Variants in CPSF7 observed in about 807,000 individuals in gnomAD.
The protein encoded by CPSF7 is cleavage and polyadenylation specific factor 7.
CPSF7 carries 1 observed loss-of-function variant against 44.3 expected under a neutral mutation model. The ratio of observed to expected loss-of-function variants is 0.02; its 90% CI spans 0.01 to 0.11. The LOEUF is 0.11. Among genes scored for constraint, CPSF7 ranks in the 10% least tolerant of loss-of-function variants. The pLI, the probability that CPSF7 is intolerant of heterozygous loss-of-function variation, is 1.00. For missense variants in CPSF7, 443 were observed against 607.2 expected, an observed-to-expected ratio of 0.73 and a Z score of 2.84; for synonymous variants, 202 against 222.0, an observed-to-expected ratio of 0.91 and a Z score of 0.80.
Position 61,429,260 on chromosome 11 carries a change from C to A in CPSF7, c.-25G>T, listed in dbSNP as rs1319164449. The A allele has an allele frequency of 6.2e-7, 1 of 1,613,382 alleles. No individual in the cohort carries two copies. The highest frequency in any genetic ancestry group is 8.5e-7 in the Non-Finnish European group (1 of 1,179,426). ...TGGCTCCGGAAGGAAGATCGCGAGT[C>A]CGGAGGATGGACAAAGTAAGGAAGA... On this transcript the variant is annotated 5_prime_UTR_variant, in exon 2 of 10. Transcript: ENST00000439958.
At chr11:61,407,108 C>T (rs192885881) in intron 9 of CPSF7, among the ~76,000 whole-genome samples, 2 of 152,252 alleles carry the variant, frequency 1.3e-5, no homozygotes, top group African/African-American at 4.8e-5. Context: ...AAAGTGACAG[C>T]TAAAGACTCA....
chr11:61,422,382 C>T (rs1860963890), intron 2 of CPSF7, among the ~76,000 whole-genome samples: 1 of 151,564 alleles, frequency 6.6e-6, no homozygotes, highest in Admixed American at 6.6e-5. Context: ...GGTGCAATTA[C>T]AACTCACTGC....
At chr11:61,421,354 G>A (rs1194016030) in intron 3 of CPSF7, 36 bp downstream of exon 3, 1 of 1,564,334 alleles carries the variant, frequency 6.4e-7, no homozygotes, top group African/African-American at 1.4e-5. Flanking sequence ...TCTCCCTCCA[G>A]CCCACCCCTA....
chr11:61,408,905 G>A (rs543246758), intron 9 of CPSF7, among the ~76,000 whole-genome samples: 9 of 152,352 alleles, frequency 5.9e-5, no homozygotes, highest in Admixed American at 1.3e-4. Flanking sequence ...GCCAGTCGCA[G>A]TGGCTTCATG....
chr11:61,408,604 C>T (rs1382935440), intron 9 of CPSF7, among the ~76,000 whole-genome samples: 3 of 152,188 alleles, frequency 2.0e-5, no homozygotes, highest in African/African-American at 7.2e-5. Flanking sequence ...AACACCTGCT[C>T]CTATATGCTT....
At chr11:61,415,559 A>G in intron 7 of CPSF7, 107 bp downstream of exon 7, 1 of 745,714 alleles carries the variant, frequency 1.3e-6, no homozygotes, top group Non-Finnish European at 2.4e-6. Flanking sequence ...CTTGATATCT[A>G]CAGTACTCCA....
rs763248041 is a variant in CPSF7, at chr11:61,411,799, T to C, written c.1196A>G (p.Tyr399Cys). 6.2e-7 allele frequency: 1 copy of C among 1,613,592 alleles called. No individual in the cohort carries two copies. The highest frequency in any genetic ancestry group is 8.5e-7 in the Non-Finnish European group (1 of 1,179,946). The change falls in exon 8 of 10, where the codon TAC becomes TGC. Residue 399 changes from tyrosine to cysteine, a missense_variant. Tyr to Cys is a radical substitution (Grantham distance 194). Coordinates refer to ENST00000439958, the MANE Select transcript of CPSF7 (RefSeq NM_001142565.3). ...DCLHGIEAKS[Y>C]SVGASGSSSR... Reference sequence around the variant, plus strand: ...AGAGCTCCCACTGGCACCCACACTGTAGGACTTGGCTTCGATGCCATGAAG... The same window carrying C: ...AGAGCTCCCACTGGCACCCACACTGCAGGACTTGGCTTCGATGCCATGAAG...
chr11:61,412,050 C>T, intron 7 of CPSF7, 113 bp from the exon 8 acceptor site: 1 of 869,564 alleles, frequency 1.2e-6, no homozygotes, highest in Non-Finnish European at 1.8e-6. Context: ...TCCCAAACAA[C>T]CGCGGTAAAA....
At chr11:61,421,241 T>C in intron 3 of CPSF7, 149 bp downstream of exon 3, 1 of 1,017,092 alleles carries the variant, frequency 9.8e-7, no homozygotes, top group Non-Finnish European at 1.5e-6. Context: ...TAGTTCTCTT[T>C]CAGAGATCAA....
At chr11:61,421,629 A>G (rs1860888056) in intron 2 of CPSF7, 21 bp from the exon 3 acceptor site, 2 of 1,567,112 alleles carry the variant, frequency 1.3e-6, no homozygotes, top group African/African-American at 2.7e-5. Context: ...AGGGGTTGGC[A>G]AAGGTAGGTC....
chr11:61,418,102 C>T (rs1860511119), intron 5 of CPSF7, among the ~76,000 whole-genome samples: 1 of 152,090 alleles, frequency 6.6e-6, no homozygotes, highest in Non-Finnish European at 1.5e-5. Flanking sequence ...AGAGTGTGTC[C>T]TTTCTAACAT....
At chr11:61,420,393 C>G (rs1262505709) in intron 4 of CPSF7, 77 bp downstream of exon 4, 6 of 1,367,536 alleles carry the variant, frequency 4.4e-6, no homozygotes, top group Non-Finnish European at 6.2e-6. Context: ...TGATTAAAAT[C>G]CAGGGCCAAA....
chr11:61,406,123 C>T (rs1384446789), intron 9 of CPSF7: 1 of 152,186 alleles, frequency 6.6e-6, no homozygotes, highest in African/African-American at 2.4e-5. Flanking sequence ...ATAACTTGTA[C>T]ACCAAGAGAA....
intron 6 of CPSF7, 136 bp from the exon 7 acceptor site, chr11:61,415,920 T>A: frequency 1.2e-6 from 1 of 850,210 alleles, no homozygotes; most frequent in Non-Finnish European, 1.9e-6. Flanking sequence ...TGCTCCCGCA[T>A]TTAATTAAGC....
chr11:61,414,776 T>G (rs1860162904), intron 7 of CPSF7, among the ~76,000 whole-genome samples: 1 of 152,222 alleles, frequency 6.6e-6, no homozygotes, highest in African/African-American at 2.4e-5. Context: ...CTCAGGGCTT[T>G]CAGAATCATG....
rs1050036825 is a variant in CPSF7, at chr11:61,421,729, C to T, written c.55-121G>A. The T allele has an allele frequency of 2.9e-5, 20 of 695,344 alleles. No individual in the cohort carries two copies. The Admixed American group carries it at 5.8e-4, about 20-fold the overall frequency. 43.1% of individuals were successfully genotyped at this position (695,344 alleles called of 1,614,324 possible). On this transcript the variant is annotated intron_variant, in intron 2 of 9. Coordinates refer to ENST00000439958, the MANE Select transcript of CPSF7 (RefSeq NM_001142565.3). ...AAAACATGTACAAAACTTCCTTGTC[C>T]TACCCCAGGAAACAAAGTAAGAAAA... is the stretch of plus-strand genomic sequence containing the variant.
At chr11:61,421,668 C>T (rs527802742) in intron 2 of CPSF7, 60 bp from the exon 3 acceptor site, 1 of 1,192,288 alleles carries the variant, frequency 8.4e-7, no homozygotes, top group African/African-American at 1.5e-5. Flanking sequence ...CATTCTATTT[C>T]ACTCTAGTTT....
chr11:61,428,007 T>A (rs571317397), intron 2 of CPSF7, among the ~76,000 whole-genome samples: 1 of 152,246 alleles, frequency 6.6e-6, no homozygotes, highest in African/African-American at 2.4e-5. Flanking sequence ...CAGGTCCTTA[T>A]GTGTACCCAC....
chr11:61,407,031 A>G (rs1293759349), intron 9 of CPSF7, among the ~76,000 whole-genome samples: 3 of 152,184 alleles, frequency 2.0e-5, no homozygotes, highest in Non-Finnish European at 4.4e-5. Flanking sequence ...TCGGCCTCCC[A>G]AAGTGTTGAA....
Sources: allele counts gnomAD v4.1 joint callset (sites outside exome capture counted in the v4.1 genomes callset), GRCh38; gene constraint gnomAD v4.1.1; transcripts MANE v1.5; gene names NCBI Gene and HGNC (gene_info 2026-07-23, HGNC 2026-07-21).